The following IL1RAPL1 variants were observed in gnomAD, a reference collection of about 807,000 sequenced individuals.
IL1RAPL1 encodes the protein interleukin 1 receptor accessory protein like 1.
A neutral mutation model predicts 48.4 loss-of-function variants in IL1RAPL1; 3 were observed. The observed-to-expected ratio is 0.06, with a 90% confidence interval of 0.03 to 0.16. The LOEUF is 0.16. Ranked by LOEUF, IL1RAPL1 falls within the 10% of genes least tolerant of loss-of-function variation. IL1RAPL1 has a pLI of 1.00. For missense variants in IL1RAPL1, 349 were observed against 530.6 expected (o/e 0.66, Z 3.36); for synonymous variants, 185 against 187.7 (o/e 0.99, Z 0.12).
At chrX:28,773,414 A>G (rs1936329655) in intron 1 of IL1RAPL1, among the ~76,000 whole-genome samples, 1 of 111,353 alleles carries the variant, frequency 9.0e-6, no homozygotes, top group Non-Finnish European at 1.9e-5. Flanking sequence ...CATTCACTTT[A>G]CCACTCTTTG....
At chrX:29,860,364 A>AT (rs747106843) in intron 6 of IL1RAPL1, among the ~76,000 whole-genome samples, 24 of 111,240 alleles carry the variant, frequency 2.2e-4, no homozygotes, top group African/African-American at 6.9e-4. Context: ...TTAGAATTAA[A>AT]TTTTTTTTTA....
At chrX:29,059,615 T>C (rs755383422) in intron 2 of IL1RAPL1, among the ~76,000 whole-genome samples, 1 of 111,807 alleles carries the variant, frequency 8.9e-6, no homozygotes. Context: ...AACTGAATGA[T>C]CAAGCATGAA....
chrX:29,456,711 G>A (rs775179016), intron 5 of IL1RAPL1, among the ~76,000 whole-genome samples: 15 of 111,011 alleles, frequency 1.4e-4, no homozygotes, highest in African/African-American at 2.0e-4. Flanking sequence ...TTTATTGACC[G>A]TTTATTAACC....
chrX:29,528,982 A>G (rs1439051984), intron 5 of IL1RAPL1, among the ~76,000 whole-genome samples: 1 of 111,400 alleles, frequency 9.0e-6, no homozygotes, highest in Non-Finnish European at 1.9e-5. Context: ...GCAGGATATA[A>G]CACCACTGAG....
intron 1 of IL1RAPL1, among the ~76,000 whole-genome samples, chrX:28,702,999 C>T (rs889642106): frequency 9.0e-6 from 1 of 111,597 alleles, no homozygotes; most frequent in Non-Finnish European, 1.9e-5. Flanking sequence ...TCCAAGAATG[C>T]AGATTGACAT....
intron 10 of IL1RAPL1, 105 bp downstream of exon 10, chrX:29,954,797 G>T (rs941657209): frequency 6.4e-5 from 45 of 698,981 alleles, no homozygotes; most frequent in Non-Finnish European, 9.4e-5. Flanking sequence ...TTCAAAATTT[G>T]TATCTGTTAG....
intron 2 of IL1RAPL1, among the ~76,000 whole-genome samples, chrX:28,946,423 T>C (rs1265908506): frequency 9.0e-6 from 1 of 110,996 alleles, no homozygotes; most frequent in Non-Finnish European, 1.9e-5. Context: ...GGTATATAAT[T>C]ATAGAAAACT....
chrX:29,137,574 C>G (rs1343538436), intron 2 of IL1RAPL1, among the ~76,000 whole-genome samples: 5 of 111,788 alleles, frequency 4.5e-5, no homozygotes, highest in Non-Finnish European at 9.4e-5. Context: ...AGATTTTCGT[C>G]TTTCTTCAAG....
chrX:29,101,434 C>T (rs1928334960), intron 2 of IL1RAPL1, among the ~76,000 whole-genome samples: 1 of 111,462 alleles, frequency 9.0e-6, no homozygotes, highest in South Asian at 3.8e-4. Context: ...TAAAGAAGAA[C>T]TAATACTAAT....
chrX:29,067,771 TA>T (rs1230373267), intron 2 of IL1RAPL1, among the ~76,000 whole-genome samples: 8 of 111,900 alleles, frequency 7.1e-5, no homozygotes, highest in Admixed American at 5.7e-4. Context: ...AGGTTTATTA[TA>T]AGGAGCATAA....
intron 2 of IL1RAPL1, among the ~76,000 whole-genome samples, chrX:29,062,366 A>G (rs1396401275): frequency 8.9e-6 from 1 of 112,571 alleles, no homozygotes; most frequent in African/African-American, 3.2e-5. Flanking sequence ...GCCCTGGCAA[A>G]ATCATGTGTA....
intron 5 of IL1RAPL1, among the ~76,000 whole-genome samples, chrX:29,552,458 G>A (rs956233202): frequency 2.7e-5 from 3 of 110,730 alleles, no homozygotes; most frequent in African/African-American, 9.9e-5. Flanking sequence ...CAACTATATC[G>A]TTACATACCA....
At chrX:29,353,864 G>A (rs1489396423) in intron 3 of IL1RAPL1, among the ~76,000 whole-genome samples, 1 of 100,803 alleles carries the variant, frequency 9.9e-6, no homozygotes, top group Non-Finnish European at 2.0e-5. Flanking sequence ...GCTTAGCCAC[G>A]ATTCATTACT....
intron 6 of IL1RAPL1, among the ~76,000 whole-genome samples, chrX:29,911,126 T>C (rs764292494): frequency 8.9e-6 from 1 of 111,790 alleles, no homozygotes; most frequent in Non-Finnish European, 1.9e-5. Flanking sequence ...AGCTGATGAA[T>C]GGATAAACAA....
intron 2 of IL1RAPL1, among the ~76,000 whole-genome samples, chrX:29,121,616 A>T (rs1006727672): frequency 1.8e-5 from 2 of 112,036 alleles, no homozygotes; most frequent in Non-Finnish European, 3.8e-5. Flanking sequence ...TAACAAAAAA[A>T]CACCTGGAAC....
rs568714862 is a variant in IL1RAPL1 at position 29,202,278 on chromosome X, A to C, written c.83-80660A>C. Among the ~76,000 whole-genome samples, 12 of 112,058 alleles carry C rather than the reference A, an allele frequency of 1.1e-4. No individual in the cohort carries two copies. The Middle Eastern group carries it at 0.023, about 214-fold the overall frequency. ...GAAAAAAAGCTCAACATCACTGATC[A>C]TTAGGGGAATGCAAATCAAAATCAC... On this transcript the variant is annotated intron_variant, in intron 2 of 10. Coordinates refer to ENST00000378993, the MANE Select transcript of IL1RAPL1 (RefSeq NM_014271.4).
At chrX:29,122,279 T>C (rs1394574793) in intron 2 of IL1RAPL1, among the ~76,000 whole-genome samples, 1 of 111,258 alleles carries the variant, frequency 9.0e-6, no homozygotes, top group Non-Finnish European at 1.9e-5. Flanking sequence ...AATGTAAACC[T>C]GTATTAATAG....
chrX:29,242,231 A>T (rs1602130934), intron 2 of IL1RAPL1, among the ~76,000 whole-genome samples: 1 of 112,775 alleles, frequency 8.9e-6, no homozygotes, highest in East Asian at 2.8e-4. Flanking sequence ...TATGTGCTAA[A>T]CAGTCTTGTA....
At chrX:29,283,916 C>T (rs756191296) in intron 3 of IL1RAPL1, among the ~76,000 whole-genome samples, 1 of 112,735 alleles carries the variant, frequency 8.9e-6, no homozygotes, top group East Asian at 2.8e-4. Context: ...GTAACACATT[C>T]GCAGTTAAAA....
Sources: gnomAD v4.1 joint callset for allele counts (sites outside exome capture counted in the v4.1 genomes callset) on GRCh38, gnomAD v4.1.1 for gene constraint, MANE v1.5 for transcripts, NCBI Gene and HGNC (gene_info 2026-07-23, HGNC 2026-07-21) for gene names.